Variants in IL1RAP observed in about 807,000 individuals in gnomAD.
IL1RAP encodes the protein interleukin 1 receptor accessory protein, also known as interleukin-1 receptor accessory protein.
A neutral mutation model predicts 60.7 loss-of-function variants in IL1RAP; 35 were observed. The observed-to-expected ratio is 0.58, with a 90% confidence interval of 0.44 to 0.76. The LOEUF (loss-of-function observed/expected upper bound fraction) is 0.76. Ranked by LOEUF, IL1RAP falls within the 30% of genes least tolerant of loss-of-function variation. The probability of loss-of-function intolerance (pLI) is 0.00; values close to 1 mark genes in which losing one functional copy is unlikely to be tolerated. For synonymous variants in IL1RAP, 268 were observed against 250.9 expected (o/e 1.07, Z -0.64); for missense variants, 572 against 693.9 (o/e 0.82, Z 1.97).
At chr3:190,607,089 G>A (rs890286454) in intron 4 of IL1RAP, among the ~76,000 whole-genome samples, 6 of 152,084 alleles carry the variant, frequency 3.9e-5, no homozygotes, top group Non-Finnish European at 7.4e-5. Flanking sequence ...CCTTCTGAGC[G>A]TTGTCACAAG....
At chr3:190,537,073 G>T (rs2108551807) in intron 1 of IL1RAP, among the ~76,000 whole-genome samples, 1 of 152,144 alleles carries the variant, frequency 6.6e-6, no homozygotes, top group African/African-American at 2.4e-5. Flanking sequence ...AAATTAACTT[G>T]GAACCTCTTA....
exon 12 of IL1RAP, chr3:190,659,591 G>A (rs1734719302): frequency 6.6e-6 from 1 of 152,096 alleles, no homozygotes; most frequent in Non-Finnish European, 1.5e-5. Flanking sequence ...TAGGGTAAAT[G>A]GATATATCAT....
At chr3:190,551,376 G>GT (rs1026003426) in intron 1 of IL1RAP, among the ~76,000 whole-genome samples, 2 of 152,170 alleles carry the variant, frequency 1.3e-5, no homozygotes, top group African/African-American at 4.8e-5. Flanking sequence ...CTATATTGCC[G>GT]TAAGTTAAAA....
chr3:190,628,279 G>T (rs1290440501), intron 8 of IL1RAP, among the ~76,000 whole-genome samples: 2 of 152,242 alleles, frequency 1.3e-5, no homozygotes, highest in South Asian at 2.1e-4. Context: ...GTAGCTGGAG[G>T]CTCACAGGGA....
At chr3:190,529,609 C>T (rs992787016) in intron 1 of IL1RAP, among the ~76,000 whole-genome samples, 5 of 150,066 alleles carry the variant, frequency 3.3e-5, no homozygotes, top group South Asian at 2.1e-4. Context: ...CACTTGAACC[C>T]GGGAGGCGGA....
At chr3:190,535,486 A>AT (rs1233627830) in intron 1 of IL1RAP, among the ~76,000 whole-genome samples, 1 of 151,874 alleles carries the variant, frequency 6.6e-6, no homozygotes, top group Non-Finnish European at 1.5e-5. Context: ...AATTAGTGCT[A>AT]TTTTTTTTCT....
At chr3:190,608,482 G>C (rs754829418) in intron 4 of IL1RAP, among the ~76,000 whole-genome samples, 6 of 152,160 alleles carry the variant, frequency 3.9e-5, no homozygotes, top group Non-Finnish European at 8.8e-5. Context: ...GAGAGTAGGT[G>C]AGTGAGCAGT....
intron 3 of IL1RAP, among the ~76,000 whole-genome samples, chr3:190,588,731 C>T (rs1728686155): frequency 6.6e-6 from 1 of 152,006 alleles, no homozygotes. Context: ...GTTTTGCTTC[C>T]TTTGTTCTAG....
intron 5 of IL1RAP, among the ~76,000 whole-genome samples, chr3:190,613,938 A>G (rs1386578708): frequency 2.0e-5 from 3 of 152,166 alleles, no homozygotes; most frequent in East Asian, 1.9e-4. Flanking sequence ...TGGGTAATCA[A>G]CTGACACCTT....
intron 9 of IL1RAP, among the ~76,000 whole-genome samples, chr3:190,639,089 C>G (rs567249697): frequency 1.3e-5 from 2 of 152,042 alleles, no homozygotes; most frequent in South Asian, 4.2e-4. Flanking sequence ...ATTATGATGG[C>G]CTGTGGTGTC....
intron 2 of IL1RAP, among the ~76,000 whole-genome samples, chr3:190,561,916 G>T (rs544777982): frequency 6.6e-6 from 1 of 152,076 alleles, no homozygotes; most frequent in African/African-American, 2.4e-5. Context: ...TACGCGCCTG[G>T]CAGTGCTCTA....
At chr3:190,588,482 G>A (rs1577669956) in intron 3 of IL1RAP, among the ~76,000 whole-genome samples, 1 of 152,206 alleles carries the variant, frequency 6.6e-6, no homozygotes, top group African/African-American at 2.4e-5. Flanking sequence ...AGCATTGGGA[G>A]TCCAAAAGTC....
Position 190,623,400 on chromosome 3 carries a change from T to C in IL1RAP, c.760T>C (p.Tyr254His). The change falls in exon 7 of 12, where the codon TAT (tyrosine) becomes CAT (histidine). Residue 254 changes from tyrosine to histidine, a missense_variant. Transcript: ENST00000447382. ...VIHSPNDHVV[Y>H]EKEPGEELLI... ...CCATTCACCTAATGATCATGTGGTCTATGAGAAAGAACCAGGTAATTACAG... is the reference window on the plus strand; with the variant it reads ...CCATTCACCTAATGATCATGTGGTCCATGAGAAAGAACCAGGTAATTACAG... The C allele has an allele frequency of 6.2e-7, 1 of 1,612,138 alleles. No homozygotes were observed. The highest frequency in any genetic ancestry group is 8.5e-7 in the Non-Finnish European group (1 of 1,178,244).
At chr3:190,538,900 A>G (rs1233378135) in intron 1 of IL1RAP, among the ~76,000 whole-genome samples, 1 of 152,138 alleles carries the variant, frequency 6.6e-6, no homozygotes, top group Non-Finnish European at 1.5e-5. Context: ...CATGTGAAGA[A>G]GGACGTGTTT....
At chr3:190,620,622 T>C (rs1173651760) in intron 6 of IL1RAP, among the ~76,000 whole-genome samples, 182 bp downstream of exon 6, 1 of 152,158 alleles carries the variant, frequency 6.6e-6, no homozygotes, top group Non-Finnish European at 1.5e-5. Flanking sequence ...CAGTAACTGT[T>C]GGTCAACTGA....
chr3:190,616,738 T>C (rs1731308955), intron 5 of IL1RAP, among the ~76,000 whole-genome samples: 1 of 152,206 alleles, frequency 6.6e-6, no homozygotes, highest in African/African-American at 2.4e-5. Context: ...CAAATACTCA[T>C]CAGCACTTAT....
At chr3:190,546,489 T>C (rs1489467904) in intron 1 of IL1RAP, among the ~76,000 whole-genome samples, 1 of 152,270 alleles carries the variant, frequency 6.6e-6, no homozygotes. Flanking sequence ...ATTTGTATAC[T>C]TAATAATAGC....
chr3:190,519,614 T>C (rs948598747), intron 1 of IL1RAP, among the ~76,000 whole-genome samples: 1 of 152,130 alleles, frequency 6.6e-6, no homozygotes, highest in Non-Finnish European at 1.5e-5. Context: ...TATCCTCACA[T>C]CACACTACCT....
At position 190,648,902 on chromosome 3, in the gene IL1RAP, C is replaced by T. The variant is rs144799077; in HGVS notation, c.*197C>T. ...CTAAAGTTTAGAAAGATATCATCAA[C>T]GTTCTGTCACCAGTCTCTGATGCCA... On this transcript the variant is annotated 3_prime_UTR_variant, in exon 12 of 12. Transcript: ENST00000447382. The T allele has an allele frequency of 1.8e-4, 249 of 1,366,176 alleles. 3 individuals are homozygous for T. The East Asian group carries it at 5.7e-3, about 31-fold the overall frequency. 84.6% of individuals were successfully genotyped at this position (1,366,176 alleles called of 1,614,324 possible).
Sources: gnomAD v4.1 joint callset for allele counts (sites outside exome capture counted in the v4.1 genomes callset) on GRCh38, gnomAD v4.1.1 for gene constraint, MANE v1.5 for transcripts, NCBI Gene and HGNC (gene_info 2026-07-23, HGNC 2026-07-21) for gene names.